Variants in PLD3 observed in about 807,000 individuals in gnomAD.
PLD3 encodes the protein phospholipase D family member 3.
Under a neutral mutation model 58.4 loss-of-function variants are expected in PLD3, and 31 were observed. The observed-to-expected ratio is 0.53, with a 90% CI of 0.40 to 0.72. The LOEUF is 0.72. Among genes scored for constraint, PLD3 ranks in the 30% least tolerant of loss-of-function variants. The pLI, the probability that PLD3 is intolerant of heterozygous loss-of-function variation, is 0.00. For synonymous variants in PLD3, 264 were observed against 273.4 expected (o/e 0.97, Z 0.34); for missense variants, 595 against 659.8 (o/e 0.90, Z 1.08).
chr19:40,370,178 G>C lies in PLD3; in HGVS notation c.619G>C (p.Val207Leu). ...CGTCCTGCATACCAAGTTCTGGGTG[G>C]TGGACCAGACCCACTTCTACCTGGG... ...HGVLHTKFWV[V>L]DQTHFYLGSA... is the part of the protein sequence containing the mutation. The change falls in exon 8 of 13, where the codon GTG becomes CTG. Residue 207 changes from valine to leucine, a missense_variant. By Grantham distance (32) the Val-to-Leu change is conservative (BLOSUM62 1). Coordinates refer to ENST00000409735, the MANE Select transcript of PLD3 (RefSeq NM_012268.4). 1 of 1,614,032 alleles carries C rather than the reference G, an allele frequency of 6.2e-7. No homozygotes were observed. The highest frequency in any genetic ancestry group is 8.5e-7 in the Non-Finnish European group (1 of 1,179,972).
chr19:40,354,166 T>C (rs1432673081), intron 1 of PLD3, among the ~76,000 whole-genome samples: 1 of 148,550 alleles, frequency 6.7e-6, no homozygotes, highest in Non-Finnish European at 1.5e-5. Flanking sequence ...TTCCACCTTC[T>C]GGGGTCAAGC....
At chr19:40,350,706 T>TG (rs1174491317) in intron 1 of PLD3, among the ~76,000 whole-genome samples, 1 of 148,850 alleles carries the variant, frequency 6.7e-6, no homozygotes, top group Non-Finnish European at 1.5e-5. Flanking sequence ...ATCGCACCAC[T>TG]GCACTCCAGC....
At chr19:40,377,944 G>GC (rs759232869) in intron 12 of PLD3, 42 bp from the exon 13 acceptor site, 9 of 1,611,782 alleles carry the variant, frequency 5.6e-6, no homozygotes, top group African/African-American at 4.0e-5. Context: ...ACCAGGGGCG[G>GC]CCCCCCGAGG....
At chr19:40,367,538 G>A (rs960948573) in intron 5 of PLD3, 158 bp from the exon 6 acceptor site, 117 of 587,536 alleles carry the variant, frequency 2.0e-4, no homozygotes, top group Admixed American at 2.4e-4. Context: ...CTGAGATGGC[G>A]CCACTGCGCT....
At chr19:40,355,941 G>A (rs1600266261) in intron 1 of PLD3, 1 of 152,140 alleles carries the variant, frequency 6.6e-6, no homozygotes, top group Non-Finnish European at 1.5e-5. Context: ...ATTTAGAAGT[G>A]TTCACCATTC....
chr19:40,378,466 G>C lies in PLD3; in HGVS notation c.*293G>C. The C allele has an allele frequency of 2.0e-6, 1 of 512,024 alleles. No homozygotes were observed. The highest frequency in any genetic ancestry group is 3.5e-6 in the Non-Finnish European group (1 of 282,084). 31.7% of individuals were successfully genotyped at this position (512,024 alleles called of 1,614,324 possible). On this transcript the variant is annotated 3_prime_UTR_variant, in exon 13 of 13. Transcript: ENST00000409735. The stretch of plus-strand genomic sequence containing the variant: ...CAAAAAGGGCCCAGGGTTATAATAA[G>C]TAAATAACTTGTCTGTACAGCCTGT...
rs367655989 is a variant in PLD3, at chr19:40,366,865, G to A, written c.195G>A (p.Leu65=). 1.2e-6 allele frequency: 2 copies of A among 1,613,794 alleles called. No individual in the cohort carries two copies. Among genetic ancestry groups the A allele is most frequent in the African/African-American group, 1.3e-5 (1 of 74,888 alleles). ...TGTTTCTATGGGAATACGGCGACTT[G>A]CATCTCTTTGGGCCCAACCAGCGCC... ...TQLFLWEYGD[L]HLFGPNQRPA... The change falls in exon 5 of 13, where the codon TTG becomes TTA. Residue 65 remains leucine (L), a synonymous_variant. Coordinates refer to ENST00000409735, the MANE Select transcript of PLD3 (RefSeq NM_012268.4).
At chr19:40,349,229 G>A (rs1402677609) in intron 1 of PLD3, among the ~76,000 whole-genome samples, 1 of 151,914 alleles carries the variant, frequency 6.6e-6, no homozygotes, top group East Asian at 1.9e-4. Context: ...CATGGCTACT[G>A]TCCCCATCGC....
chr19:40,352,259 C>A (rs2078537490), intron 1 of PLD3, among the ~76,000 whole-genome samples: 1 of 152,050 alleles, frequency 6.6e-6, no homozygotes. Flanking sequence ...GGCAACAGAG[C>A]AAGACTCCAT....
At position 40,366,404 on chromosome 19, in the gene PLD3, C is replaced by A; in HGVS notation, c.-65-15C>A. 2 of 1,282,316 alleles carry A rather than the reference C, an allele frequency of 1.6e-6. No individual in the cohort carries two copies. Among genetic ancestry groups the A allele is most frequent in the Non-Finnish European group, 1.1e-6 (1 of 877,598 alleles). The allele number at this position is 1,282,316 out of a possible 1,614,324, so 79.4% of individuals were successfully genotyped here. A position where few individuals can be genotyped will look rare whatever the true frequency, so the allele number is the denominator to read the frequency against. On this transcript the variant is annotated splice_polypyrimidine_tract_variant and intron_variant, in intron 2 of 12. Coordinates refer to ENST00000409735, the MANE Select transcript of PLD3 (RefSeq NM_012268.4). Reference sequence around the variant, plus strand: ...CGTAGAACACCCCACACAGTGCCCACTTTTGTTCTGCCAGTTTGGAGACCC... The same window carrying A: ...CGTAGAACACCCCACACAGTGCCCAATTTTGTTCTGCCAGTTTGGAGACCC...
Position 40,366,814 on chromosome 19 carries a change from G to A in PLD3, c.144G>A (p.Val48=), listed in dbSNP as rs535145267. Residue 48 remains valine (V), a synonymous_variant, in exon 5 of 13, where the codon GTG becomes GTA. Transcript: ENST00000409735. The part of the protein sequence containing the change: ...WVLLVLILAV[V]GFGALMTQLF... ...TGCTGGTCCTCATTCTGGCGGTTGT[G>A]GGCTTCGGAGCCCTGATGACTCAGC... 1.9e-6 allele frequency: 3 copies of A among 1,613,938 alleles called. No individual in the cohort carries two copies. In the South Asian group the frequency reaches 3.3e-5, roughly 18 times the overall value.
Position 40,376,723 on chromosome 19 carries a change from G to C in PLD3, c.1134G>C (p.Leu378=). The change falls in exon 11 of 13, where the codon CTG becomes CTC. Residue 378 remains leucine (L), a synonymous_variant. Transcript: ENST00000409735. ...GHSEPSMRAF[L]LSLAALRDNH... is the part of the protein sequence containing the mutation. ...CGGAGCCATCCATGCGGGCCTTCCT[G>C]CTCTCTCTGGCTGCCCTGCGTGACA... The C allele has an allele frequency of 1.9e-6, 3 of 1,602,146 alleles. No individual in the cohort carries two copies. Among genetic ancestry groups the C allele is most frequent in the Non-Finnish European group, 2.5e-6 (3 of 1,179,936 alleles).
intron 1 of PLD3, among the ~76,000 whole-genome samples, chr19:40,361,558 C>T (rs1043529750): frequency 3.3e-5 from 5 of 152,148 alleles, no homozygotes; most frequent in African/African-American, 1.2e-4. Context: ...CTCTCCCACT[C>T]CCCCCAGCCC....
In PLD3 at chr19:40,365,748, C is replaced by A. The variant is rs2078902168; in HGVS notation, c.-248C>A. On this transcript the variant is annotated 5_prime_UTR_variant, in exon 2 of 13. Coordinates refer to ENST00000409735, the MANE Select transcript of PLD3 (RefSeq NM_012268.4). ...AGCGACCGTGTCTGGGGAGCCGAGC[C>A]CCGCTTCTCGCTGCGGTGAGCCCGG... 1 of 152,634 alleles carries A rather than the reference C, an allele frequency of 6.6e-6. No individual in the cohort carries two copies. Among genetic ancestry groups the A allele is most frequent in the Admixed American group, 6.5e-5 (1 of 15,304 alleles). 9.5% of individuals were successfully genotyped at this position (152,634 alleles called of 1,614,324 possible).
At chr19:40,351,613 G>C (rs1014830105) in intron 1 of PLD3, among the ~76,000 whole-genome samples, 2 of 152,164 alleles carry the variant, frequency 1.3e-5, no homozygotes, top group Non-Finnish European at 2.9e-5. Flanking sequence ...AAAGAGAACA[G>C]CAAAAGCAAA....
chr19:40,349,341 C>T (rs1217018174), intron 1 of PLD3, among the ~76,000 whole-genome samples: 4 of 152,082 alleles, frequency 2.6e-5, no homozygotes, highest in Non-Finnish European at 5.9e-5. Flanking sequence ...ACCATCCACT[C>T]CTCATGCTTC....
chr19:40,366,659 T>C lies in PLD3; in HGVS notation c.77T>C (p.Ile26Thr), dbSNP rs758630487. The change falls in exon 4 of 13, where the codon ATT becomes ACT. Residue 26 changes from isoleucine (I) to threonine (T), a missense_variant. By Grantham distance (89) the Ile-to-Thr change is moderately conservative. Transcript: ENST00000409735. ...GCCAATGAGCTGCCCATGAATGAGATTGAGGCGTGGAAGGCTGCGGAAAAG... is the reference window on the plus strand; with the variant it reads ...GCCAATGAGCTGCCCATGAATGAGACTGAGGCGTGGAAGGCTGCGGAAAAG... ...EPANELPMNE[I>T]EAWKAAEKKA... is the part of the protein sequence containing the mutation. 7.5e-6 allele frequency: 12 copies of C among 1,598,266 alleles called. No individual in the cohort carries two copies. In the African/African-American group the frequency reaches 8.0e-5, roughly 11 times the overall value.
At chr19:40,351,487 G>A (rs1485798444) in intron 1 of PLD3, among the ~76,000 whole-genome samples, 1 of 152,136 alleles carries the variant, frequency 6.6e-6, no homozygotes, top group Non-Finnish European at 1.5e-5. Context: ...GGAGGTTGCA[G>A]TGAACTGAGA....
intron 9 of PLD3, among the ~76,000 whole-genome samples, chr19:40,373,719 G>A (rs2079122667): frequency 6.6e-6 from 1 of 152,092 alleles, no homozygotes; most frequent in Non-Finnish European, 1.5e-5. Context: ...GGGCACAGTG[G>A]CTCACGCCTG....
Sources: allele counts gnomAD v4.1 joint callset (sites outside exome capture counted in the v4.1 genomes callset), GRCh38; gene constraint gnomAD v4.1.1; transcripts MANE v1.5; gene names NCBI Gene and HGNC (gene_info 2026-07-23, HGNC 2026-07-21).